DAB2IP: variants seen among roughly 807,000 people sequenced by gnomAD.
The protein encoded by DAB2IP is DAB2 interacting protein.
A neutral mutation model predicts 107.2 loss-of-function variants in DAB2IP; 28 were observed. The ratio of observed to expected loss-of-function variants is 0.26; its 90% CI spans 0.19 to 0.36. The LOEUF (loss-of-function observed/expected upper bound fraction) is 0.36. Ranked by LOEUF, DAB2IP falls within the 10% of genes least tolerant of loss-of-function variation. The probability of loss-of-function intolerance (pLI) is 1.00; values close to 1 mark genes in which losing one functional copy is unlikely to be tolerated. For missense variants in DAB2IP, 1,400 were observed against 1,644.7 expected (o/e 0.85, Z 2.57); for synonymous variants, 755 against 706.4 (o/e 1.07, Z -1.09).
intron 1 of DAB2IP, among the ~76,000 whole-genome samples, chr9:121,652,236 C>T (rs757106610): frequency 1.5e-4 from 23 of 152,138 alleles, no homozygotes; most frequent in African/African-American, 5.3e-4. Flanking sequence ...TGGATCTGAG[C>T]TTTCCCACAC....
At chr9:121,774,228 C>A in intron 12 of DAB2IP, 32 bp from the exon 13 acceptor site, 1 of 1,559,120 alleles carries the variant, frequency 6.4e-7, no homozygotes, top group Non-Finnish European at 8.7e-7. Context: ...CTCCACCTCC[C>A]TGCAGCCCCT....
At chr9:121,583,911 G>T (rs1311889475) in intron 1 of DAB2IP, among the ~76,000 whole-genome samples, 1 of 152,210 alleles carries the variant, frequency 6.6e-6, no homozygotes, top group Non-Finnish European at 1.5e-5. Flanking sequence ...AGGCGTGGTG[G>T]CTCATGCCTG....
chr9:121,771,649 G>GC (rs1464576023), intron 11 of DAB2IP, among the ~76,000 whole-genome samples: 17 of 152,160 alleles, frequency 1.1e-4, no homozygotes, highest in East Asian at 7.7e-4. Flanking sequence ...AGGCAGCCGG[G>GC]CCCGTGAGTT....
At chr9:121,666,899 CACACACACACACACACA>C (rs1244188478) in intron 1 of DAB2IP, among the ~76,000 whole-genome samples, 6 of 137,522 alleles carry the variant, frequency 4.4e-5, no homozygotes, top group African/African-American at 1.5e-4. Context: ...CACACACACA[CACACACACACACACACA>C]ACACTCTTAA....
intron 1 of DAB2IP, among the ~76,000 whole-genome samples, chr9:121,613,390 T>C (rs1374965522): frequency 2.0e-5 from 3 of 152,236 alleles, no homozygotes; most frequent in Admixed American, 2.0e-4. Flanking sequence ...TTTATATCCT[T>C]GCTGGAATTT....
At chr9:121,578,121 A>G (rs1404049945) in intron 1 of DAB2IP, among the ~76,000 whole-genome samples, 2 of 151,626 alleles carry the variant, frequency 1.3e-5, no homozygotes, top group Non-Finnish European at 1.5e-5. Flanking sequence ...CGGGTGGGGT[A>G]GGGGTGGCTG....
chr9:121,580,430 G>C (rs181995390), intron 1 of DAB2IP, among the ~76,000 whole-genome samples: 145 of 152,268 alleles, frequency 9.5e-4, no homozygotes, highest in African/African-American at 3.2e-3. Flanking sequence ...TGCTATTCTA[G>C]CACTTTTGAG....
In DAB2IP at chr9:121,756,848, CTG is replaced by C. The variant is rs145013348; in HGVS notation, c.363-162_363-161del. Among the ~76,000 whole-genome samples, 1,370 of 152,326 alleles carry C rather than the reference CTG, an allele frequency of 9.0e-3. 21 individuals carry two copies. The highest frequency in any genetic ancestry group is 0.031 in the African/African-American group (1,288 of 41,570). On this transcript the variant is annotated intron_variant, in intron 3 of 15. Coordinates refer to ENST00000408936, the Ensembl canonical transcript of DAB2IP. ...GTCGGGAGGAGGTTCCCACCAGTCT[CTG>C]TGACAGCCCTGCCCCCAGATCTGTC...
chr9:121,571,606 G>A (rs1024534826), intron 1 of DAB2IP, among the ~76,000 whole-genome samples: 1 of 152,158 alleles, frequency 6.6e-6, no homozygotes, highest in Admixed American at 6.5e-5. Context: ...GCTTCAAGCT[G>A]AGCAAAGCGC....
At chr9:121,688,118 T>C (rs1165427855) in intron 2 of DAB2IP, among the ~76,000 whole-genome samples, 5 of 152,120 alleles carry the variant, frequency 3.3e-5, no homozygotes, top group Admixed American at 3.3e-4. Context: ...GTCCTCCCCT[T>C]TCCTGGGAGG....
chr9:121,671,809 T>C (rs538257933), intron 1 of DAB2IP, among the ~76,000 whole-genome samples: 35 of 152,366 alleles, frequency 2.3e-4, no homozygotes, highest in African/African-American at 8.4e-4. Context: ...TAATGTTCTA[T>C]TGAATGACTG....
intron 1 of DAB2IP, among the ~76,000 whole-genome samples, chr9:121,677,366 A>G (rs72770684): frequency 1.3e-5 from 2 of 151,984 alleles, no homozygotes; most frequent in Non-Finnish European, 2.9e-5. Context: ...AATTTTTTTT[A>G]AAAAAATTAG....
intron 3 of DAB2IP, among the ~76,000 whole-genome samples, chr9:121,746,662 G>C (rs192093158): frequency 2.8e-4 from 42 of 152,336 alleles, no homozygotes; most frequent in Middle Eastern, 3.4e-3. Flanking sequence ...CGCATTCTAG[G>C]GGGGGCCCAG....
chr9:121,756,882 CAGAA>C (rs1564204176), intron 3 of DAB2IP, 127 bp from the exon 4 acceptor site: 5 of 1,271,212 alleles, frequency 3.9e-6, no homozygotes, highest in Non-Finnish European at 5.6e-6. Flanking sequence ...TGTCTTAAGA[CAGAA>C]AGGAGAGAGA....
chr9:121,756,815 C>CTCTTGCAG (rs1391242738), intron 3 of DAB2IP, among the ~76,000 whole-genome samples, 198 bp from the exon 4 acceptor site: 2 of 152,228 alleles, frequency 1.3e-5, no homozygotes, highest in Admixed American at 1.3e-4. Context: ...CCCAGCCAGA[C>CTCTTGCAG]TCTTGCAGTC....
chr9:121,617,959 C>T (rs75344509), intron 1 of DAB2IP, among the ~76,000 whole-genome samples: 3,376 of 152,282 alleles, frequency 0.022, 127 homozygotes, highest in African/African-American at 0.077. Flanking sequence ...GTTTAATCAC[C>T]TGCTAGACTG....
At chr9:121,572,362 G>A (rs1226489876) in intron 1 of DAB2IP, among the ~76,000 whole-genome samples, 2 of 152,044 alleles carry the variant, frequency 1.3e-5, no homozygotes, top group Non-Finnish European at 2.9e-5. Context: ...GCACAGCACT[G>A]GTCCTGAGAA....
At chr9:121,617,863 C>T (rs1281770295) in intron 1 of DAB2IP, among the ~76,000 whole-genome samples, 3 of 152,152 alleles carry the variant, frequency 2.0e-5, no homozygotes, top group Non-Finnish European at 2.9e-5. Flanking sequence ...GGGGTGCGTA[C>T]TCACGTGGGA....
chr9:121,693,257 C>G (rs970852101), intron 2 of DAB2IP, among the ~76,000 whole-genome samples: 1 of 152,208 alleles, frequency 6.6e-6, no homozygotes, highest in Admixed American at 6.5e-5. Flanking sequence ...ACTGGCCTGG[C>G]TGCCCTCTGT....
Sources: gnomAD v4.1 joint callset for allele counts (sites outside exome capture counted in the v4.1 genomes callset) on GRCh38, gnomAD v4.1.1 for gene constraint, MANE v1.5 for transcripts, NCBI Gene and HGNC (gene_info 2026-07-23, HGNC 2026-07-21) for gene names.